Variants in RIN2 observed in about 807,000 individuals in gnomAD.
RIN2 encodes RAB5 interacting protein 2.
RIN2 carries 36 observed loss-of-function variants against 78.0 expected under a neutral mutation model. The observed-to-expected ratio is 0.46, with a 90% CI of 0.35 to 0.61. The LOEUF (loss-of-function observed/expected upper bound fraction) is 0.61, where lower values mean the gene tolerates loss of function less well. RIN2 is among the 20% of genes least tolerant of loss of function. RIN2 has a pLI of 0.00. For missense variants in RIN2, 1,087 were observed against 1,159.7 expected, an observed-to-expected ratio of 0.94 and a Z score of 0.91; for synonymous variants, 466 against 466.8, an observed-to-expected ratio of 1.00 and a Z score of 0.02.
At chr20:19,814,562 A>G (rs1246535461) in intron 2 of RIN2, among the ~76,000 whole-genome samples, 2 of 152,166 alleles carry the variant, frequency 1.3e-5, no homozygotes, top group East Asian at 3.9e-4. Flanking sequence ...TCCACCTCTC[A>G]TGTGATTAAA....
chr20:19,823,817 C>T (rs939165735), intron 2 of RIN2: 52 of 1,604,652 alleles, frequency 3.2e-5, no homozygotes, highest in Non-Finnish European at 4.3e-5. Flanking sequence ...ATGTCATCAC[C>T]AACCTTTTTT....
intron 2 of RIN2, among the ~76,000 whole-genome samples, chr20:19,880,782 G>A (rs917217084): frequency 2.6e-5 from 4 of 152,100 alleles, no homozygotes; most frequent in Admixed American, 6.6e-5. Context: ...CAGGCAGCAC[G>A]TAAGGTATTA....
At chr20:19,897,870 C>G (rs1055668730) in intron 3 of RIN2, among the ~76,000 whole-genome samples, 3 of 152,134 alleles carry the variant, frequency 2.0e-5, no homozygotes, top group Non-Finnish European at 4.4e-5. Flanking sequence ...TGCCACCATG[C>G]CTGGCAACTT....
At chr20:19,819,557 T>C (rs1007316882) in intron 2 of RIN2, among the ~76,000 whole-genome samples, 5 of 152,244 alleles carry the variant, frequency 3.3e-5, no homozygotes, top group Non-Finnish European at 7.3e-5. Flanking sequence ...AAATCGTATA[T>C]GTATGAGACA....
intron 4 of RIN2, among the ~76,000 whole-genome samples, chr20:19,937,637 G>A (rs1178366672): frequency 2.0e-5 from 3 of 152,188 alleles, no homozygotes; most frequent in African/African-American, 7.2e-5. Context: ...TTGTGCCATG[G>A]ACTCCTTCTC....
chr20:19,788,894 C>G (rs1053477179), intron 1 of RIN2, among the ~76,000 whole-genome samples: 2 of 152,190 alleles, frequency 1.3e-5, no homozygotes, highest in Non-Finnish European at 2.9e-5. Context: ...GAATTATTTT[C>G]TGTTTAAATT....
chr20:19,891,542 G>T (rs773739905), intron 3 of RIN2, among the ~76,000 whole-genome samples: 4 of 152,204 alleles, frequency 2.6e-5, no homozygotes, highest in African/African-American at 9.7e-5. Flanking sequence ...ATGGAGGCCA[G>T]CCATGGTGCT....
At chr20:19,851,394 C>T (rs16981220) in intron 2 of RIN2, among the ~76,000 whole-genome samples, 7,720 of 152,222 alleles carry the variant, frequency 0.051, 327 homozygotes, top group African/African-American at 0.11. Flanking sequence ...TTTCCAGCCA[C>T]TGGGTAGGCC....
chr20:19,866,461 G>T (rs1033151289), intron 2 of RIN2, among the ~76,000 whole-genome samples: 2 of 152,150 alleles, frequency 1.3e-5, no homozygotes, highest in Non-Finnish European at 2.9e-5. Flanking sequence ...CAGGGCTGGG[G>T]AGTGCAGAGA....
intron 5 of RIN2, among the ~76,000 whole-genome samples, chr20:19,958,702 C>G (rs1214819040): frequency 3.3e-5 from 5 of 152,194 alleles, no homozygotes; most frequent in African/African-American, 1.2e-4. Context: ...AACCCCGTCT[C>G]TACTAAAAAT....
Position 20,000,558 on chromosome 20 carries a change from GCTCACTAT to G in RIN2, c.2365-52_2365-45del, listed in dbSNP as rs780009023. ...ACCCCCTCCCCTGGTCCCCCATCAT[GCTCACTAT>G]CTAGTTTTCTCTTCTGACTGTCTCA... On this transcript the variant is annotated intron_variant, in intron 12 of 12. Transcript: ENST00000255006. 1.8e-4 allele frequency: 248 copies of G among 1,397,014 alleles called. No individual in the cohort carries two copies. The Middle Eastern group carries it at 3.9e-3, about 22-fold the overall frequency. The allele number at this position is 1,397,014 out of a possible 1,614,324, so 86.5% of individuals were successfully genotyped here.
chr20:19,956,639 C>G lies in RIN2; in HGVS notation c.183C>G (p.Gly61=), dbSNP rs745383622. The G allele has an allele frequency of 1.2e-6, 2 of 1,613,474 alleles. No homozygotes were observed. Among genetic ancestry groups the G allele is most frequent in the Admixed American group, 3.3e-5 (2 of 59,948 alleles). Residue 61 remains glycine, a synonymous_variant, in exon 5 of 13, where the codon GGC becomes GGG. Coordinates refer to ENST00000255006, the MANE Select transcript of RIN2 (RefSeq NM_018993.4). ...GCATGGTAAGACACAAGGATGGTGG[C>G]TATTCCGAGGAAGAGGACGTGAAGA... is the stretch of plus-strand genomic sequence containing the variant. ...THSMVRHKDG[G]YSEEEDVKTC...
chr20:19,987,600 T>C (rs891748702), intron 9 of RIN2, among the ~76,000 whole-genome samples: 1 of 152,180 alleles, frequency 6.6e-6, no homozygotes, highest in Non-Finnish European at 1.5e-5. Flanking sequence ...GATTAGATGA[T>C]AGTGAAGTAA....
intron 2 of RIN2, among the ~76,000 whole-genome samples, chr20:19,838,384 T>C (rs1164305639): frequency 6.6e-6 from 1 of 152,372 alleles, no homozygotes; most frequent in Non-Finnish European, 1.5e-5. Context: ...ATCTACGTAC[T>C]ATAAGGTTCA....
chr20:19,833,343 T>A (rs1211203953), intron 2 of RIN2, among the ~76,000 whole-genome samples: 1 of 151,986 alleles, frequency 6.6e-6, no homozygotes, highest in African/African-American at 2.4e-5. Flanking sequence ...GCAGGTTTGT[T>A]ACGTAGGTAT....
At chr20:19,884,410 C>T (rs999254252) in intron 2 of RIN2, among the ~76,000 whole-genome samples, 1 of 151,950 alleles carries the variant, frequency 6.6e-6, no homozygotes, top group Non-Finnish European at 1.5e-5. Flanking sequence ...GGCAACAGAG[C>T]GAGACCCTGT....
At chr20:19,846,925 T>C (rs891355441) in intron 2 of RIN2, among the ~76,000 whole-genome samples, 1 of 152,210 alleles carries the variant, frequency 6.6e-6, no homozygotes, top group African/African-American at 2.4e-5. Flanking sequence ...CCTACCATAA[T>C]TACCTGAGAA....
intron 2 of RIN2, among the ~76,000 whole-genome samples, chr20:19,857,382 T>C (rs2037201436): frequency 6.6e-6 from 1 of 152,208 alleles, no homozygotes; most frequent in Non-Finnish European, 1.5e-5. Context: ...TATTTTCATA[T>C]TGATGGATAT....
chr20:19,929,104 C>A (rs1421932956), intron 3 of RIN2, among the ~76,000 whole-genome samples: 1 of 152,124 alleles, frequency 6.6e-6, no homozygotes, highest in African/African-American at 2.4e-5. Context: ...CCTATCTGAC[C>A]CTCTGGCTGC....
Sources: allele counts gnomAD v4.1 joint callset (sites outside exome capture counted in the v4.1 genomes callset), GRCh38; gene constraint gnomAD v4.1.1; transcripts MANE v1.5; gene names NCBI Gene and HGNC (gene_info 2026-07-23, HGNC 2026-07-21).